Variants in PPP1R9A observed in about 807,000 individuals in gnomAD.
PPP1R9A encodes protein phosphatase 1 regulatory subunit 9A, also known as neurabin-1.
A neutral mutation model predicts 141.9 loss-of-function variants in PPP1R9A; 59 were observed. The ratio of observed to expected loss-of-function variants is 0.42; its 90% CI spans 0.34 to 0.52. The LOEUF (loss-of-function observed/expected upper bound fraction) is 0.52, where lower values mean the gene tolerates loss of function less well. Among genes scored for constraint, PPP1R9A ranks in the 20% least tolerant of loss-of-function variants. The pLI, the probability that PPP1R9A is intolerant of heterozygous loss-of-function variation, is 0.10. For missense variants in PPP1R9A, 1,444 were observed against 1,611.9 expected (o/e 0.90, Z 1.78); for synonymous variants, 500 against 569.7 (o/e 0.88, Z 1.74).
At chr7:95,219,375 G>T (rs936774348) in intron 7 of PPP1R9A, among the ~76,000 whole-genome samples, 1 of 152,094 alleles carries the variant, frequency 6.6e-6, no homozygotes, top group African/African-American at 2.4e-5. Context: ...TGGGTAACCC[G>T]ATGTTTCTCT....
chr7:94,919,240 C>G (rs1792466279), intron 2 of PPP1R9A, among the ~76,000 whole-genome samples: 2 of 151,988 alleles, frequency 1.3e-5, no homozygotes. Flanking sequence ...AGGGATCTTC[C>G]TGCCCCAGCC....
In PPP1R9A at chr7:95,110,838, C is replaced by G. The variant is rs145275938; in HGVS notation, c.1396-421C>G. ...TTGAGACAGCATTATAATACTGACACCCTGCTACTTCAGGGCTAGTATAGG... is the reference window on the plus strand; with the variant it reads ...TTGAGACAGCATTATAATACTGACAGCCTGCTACTTCAGGGCTAGTATAGG... On this transcript the variant is annotated intron_variant, in intron 2 of 19. Transcript: ENST00000433360. 8.5e-5 allele frequency among the ~76,000 whole-genome samples: 13 copies of G among 152,250 alleles called. No individual in the cohort carries two copies. The East Asian group carries it at 2.5e-3, about 29-fold the overall frequency.
intron 5 of PPP1R9A, among the ~76,000 whole-genome samples, chr7:95,181,571 A>G (rs1014350482): frequency 7.2e-6 from 1 of 138,948 alleles, no homozygotes; most frequent in African/African-American, 2.6e-5. Flanking sequence ...GAATATATAT[A>G]TATTCCATCA....
chr7:95,193,451 C>T (rs569618188), intron 5 of PPP1R9A, among the ~76,000 whole-genome samples: 9 of 151,964 alleles, frequency 5.9e-5, no homozygotes, highest in African/African-American at 9.6e-5. Flanking sequence ...ATTGAGAAAG[C>T]GAAGCTGTGA....
At chr7:95,277,920 A>G (rs1803494518) in intron 16 of PPP1R9A, among the ~76,000 whole-genome samples, 1 of 152,144 alleles carries the variant, frequency 6.6e-6, no homozygotes, top group African/African-American at 2.4e-5. Flanking sequence ...CAGTGTAGTC[A>G]CGGAATGGAA....
intron 5 of PPP1R9A, among the ~76,000 whole-genome samples, chr7:95,167,902 C>T (rs1372935970): frequency 6.6e-6 from 1 of 151,782 alleles, no homozygotes; most frequent in Non-Finnish European, 1.5e-5. Flanking sequence ...TTGAAGAGGA[C>T]ACAAACAAAA....
At chr7:95,010,351 C>T (rs1451981874) in intron 2 of PPP1R9A, among the ~76,000 whole-genome samples, 1 of 152,048 alleles carries the variant, frequency 6.6e-6, no homozygotes, top group Non-Finnish European at 1.5e-5. Context: ...CTGCCATGAG[C>T]TGTGATTGTG....
intron 2 of PPP1R9A, among the ~76,000 whole-genome samples, chr7:94,944,856 A>G (rs910120980): frequency 1.7e-4 from 26 of 151,098 alleles, no homozygotes; most frequent in Non-Finnish European, 3.5e-4. Flanking sequence ...TCCAAGGATT[A>G]AAAAAAAATG....
chr7:95,249,759 G>A (rs1798618489), intron 9 of PPP1R9A, among the ~76,000 whole-genome samples: 1 of 152,058 alleles, frequency 6.6e-6, no homozygotes, highest in African/African-American at 2.4e-5. Flanking sequence ...CAGATCACCT[G>A]GTGTGATGGA....
chr7:95,246,355 A>T (rs1798116597), intron 8 of PPP1R9A, among the ~76,000 whole-genome samples: 1 of 152,170 alleles, frequency 6.6e-6, no homozygotes, highest in African/African-American at 2.4e-5. Context: ...TTACTTGATT[A>T]CAGTAATAGT....
chr7:94,951,704 G>T (rs1373360568), intron 2 of PPP1R9A, among the ~76,000 whole-genome samples: 1 of 151,742 alleles, frequency 6.6e-6, no homozygotes, highest in South Asian at 2.1e-4. Context: ...CTGGGTTTTG[G>T]TATAAGGGTT....
chr7:94,966,054 C>T (rs560661872), intron 2 of PPP1R9A, among the ~76,000 whole-genome samples: 18 of 152,182 alleles, frequency 1.2e-4, no homozygotes, highest in African/African-American at 3.9e-4. Flanking sequence ...AAGTTGTATT[C>T]GTAGGTAGTT....
At chr7:95,248,515 A>G (rs1298201294) in intron 9 of PPP1R9A, among the ~76,000 whole-genome samples, 1 of 152,132 alleles carries the variant, frequency 6.6e-6, no homozygotes, top group African/African-American at 2.4e-5. Context: ...TAAATAAACA[A>G]CTTGATACAA....
At chr7:94,934,501 T>A (rs2150872616) in intron 2 of PPP1R9A, among the ~76,000 whole-genome samples, 1 of 152,264 alleles carries the variant, frequency 6.6e-6, no homozygotes, top group South Asian at 2.1e-4. Flanking sequence ...GAACATTTTT[T>A]TTTTTTGTCA....
chr7:95,140,966 T>C (rs1282342673), intron 4 of PPP1R9A, among the ~76,000 whole-genome samples: 7 of 152,178 alleles, frequency 4.6e-5, no homozygotes, highest in Non-Finnish European at 1.0e-4. Flanking sequence ...GCAATCCGCC[T>C]GCCCTGCCCT....
chr7:95,007,605 G>A (rs1803802954), intron 2 of PPP1R9A, among the ~76,000 whole-genome samples: 1 of 152,128 alleles, frequency 6.6e-6, no homozygotes, highest in Non-Finnish European at 1.5e-5. Flanking sequence ...ATCTTGTATT[G>A]AAATGGTAAT....
intron 4 of PPP1R9A, among the ~76,000 whole-genome samples, chr7:95,128,197 A>C (rs938026841): frequency 4.6e-5 from 7 of 152,166 alleles, no homozygotes; most frequent in African/African-American, 7.2e-5. Context: ...CTTTTTAATA[A>C]TAGCCATACT....
At chr7:95,275,735 A>G (rs1315763479) in intron 16 of PPP1R9A, among the ~76,000 whole-genome samples, 1 of 152,234 alleles carries the variant, frequency 6.6e-6, no homozygotes, top group Non-Finnish European at 1.5e-5. Context: ...ACTGCTGTTT[A>G]CTTTTCTTTT....
At chr7:95,081,373 G>T (rs1314055406) in intron 2 of PPP1R9A, among the ~76,000 whole-genome samples, 1 of 152,132 alleles carries the variant, frequency 6.6e-6, no homozygotes, top group Non-Finnish European at 1.5e-5. Flanking sequence ...TATTTTAACT[G>T]TGTTCCATAT....
Sources: allele counts gnomAD v4.1 joint callset (sites outside exome capture counted in the v4.1 genomes callset), GRCh38; gene constraint gnomAD v4.1.1; transcripts MANE v1.5; gene names NCBI Gene and HGNC (gene_info 2026-07-23, HGNC 2026-07-21).